Variants in CSMD3 observed in about 807,000 individuals in gnomAD.
The protein encoded by CSMD3 is CUB and Sushi multiple domains 3.
Under a neutral mutation model 435.2 loss-of-function variants are expected in CSMD3, and 177 were observed. The ratio of observed to expected loss-of-function variants is 0.41; its 90% CI spans 0.36 to 0.46. The LOEUF is 0.46. Among genes scored for constraint, CSMD3 ranks in the 20% least tolerant of loss-of-function variants. CSMD3 has a pLI of 0.34. For synonymous variants in CSMD3, 1,656 were observed against 1,520.5 expected, an observed-to-expected ratio of 1.09 and a Z score of -2.07; for missense variants, 4,265 against 4,504.6, an observed-to-expected ratio of 0.95 and a Z score of 1.52.
chr8:112,340,249 A>G (rs895097731), intron 42 of CSMD3, among the ~76,000 whole-genome samples: 1 of 152,238 alleles, frequency 6.6e-6, no homozygotes, highest in African/African-American at 2.4e-5. Flanking sequence ...TGTTTTAAAA[A>G]TAATTAATTT....
At chr8:112,739,773 G>A (rs189931766) in intron 13 of CSMD3, among the ~76,000 whole-genome samples, 14 of 151,812 alleles carry the variant, frequency 9.2e-5, no homozygotes, top group Middle Eastern at 6.8e-3. Context: ...AGATAATATC[G>A]CATGGTGTTT....
At chr8:112,680,743 C>T (rs1416401555) in intron 16 of CSMD3, among the ~76,000 whole-genome samples, 3 of 152,026 alleles carry the variant, frequency 2.0e-5, no homozygotes, top group Non-Finnish European at 2.9e-5. Context: ...CATAATTACA[C>T]GGTCTGGGAT....
At chr8:112,537,767 C>T (rs756529172) in intron 27 of CSMD3, among the ~76,000 whole-genome samples, 10 of 151,314 alleles carry the variant, frequency 6.6e-5, no homozygotes, top group Admixed American at 1.3e-4. Flanking sequence ...AACTCAGGAA[C>T]GAATGGATTC....
At chr8:113,224,710 A>G (rs1014740742) in intron 3 of CSMD3, among the ~76,000 whole-genome samples, 2 of 151,276 alleles carry the variant, frequency 1.3e-5, no homozygotes, top group African/African-American at 2.4e-5. Context: ...TTGTGTGTGT[A>G]TTAACCACCT....
At chr8:112,888,681 A>G (rs78029784) in intron 10 of CSMD3, among the ~76,000 whole-genome samples, 43 of 151,810 alleles carry the variant, frequency 2.8e-4, no homozygotes, top group African/African-American at 1.0e-3. Flanking sequence ...TTGTTCGTTC[A>G]TATCGCTTTG....
At chr8:112,501,275 C>T (rs1458184155) in intron 30 of CSMD3, among the ~76,000 whole-genome samples, 1 of 151,494 alleles carries the variant, frequency 6.6e-6, no homozygotes, top group African/African-American at 2.4e-5. Context: ...ATAGTTAAAA[C>T]TCGGGACCAT....
At chr8:112,612,466 T>A (rs1833331883) in intron 22 of CSMD3, among the ~76,000 whole-genome samples, 1 of 152,078 alleles carries the variant, frequency 6.6e-6, no homozygotes, top group African/African-American at 2.4e-5. Flanking sequence ...GGGAAGAGAT[T>A]GCAGTATAGG....
intron 1 of CSMD3, among the ~76,000 whole-genome samples, chr8:113,388,119 T>G (rs778644907): frequency 2.6e-5 from 4 of 151,720 alleles, no homozygotes; most frequent in Non-Finnish European, 5.9e-5. Context: ...TGATTATCTT[T>G]ATATGCTATG....
At chr8:112,820,472 G>C (rs73702228) in intron 12 of CSMD3, among the ~76,000 whole-genome samples, 1 of 151,510 alleles carries the variant, frequency 6.6e-6, no homozygotes, top group Non-Finnish European at 1.5e-5. Context: ...TTACAAAAAC[G>C]GCTAAATCTG....
At chr8:112,683,806 G>A (rs2075954921) in intron 15 of CSMD3, among the ~76,000 whole-genome samples, 1 of 151,722 alleles carries the variant, frequency 6.6e-6, no homozygotes, top group Admixed American at 6.6e-5. Flanking sequence ...GTTATAAATT[G>A]TATAATTTTA....
intron 3 of CSMD3, among the ~76,000 whole-genome samples, chr8:113,236,634 C>T (rs140538992): frequency 6.6e-6 from 1 of 152,158 alleles, no homozygotes; most frequent in East Asian, 1.9e-4. Flanking sequence ...TCTCCAGGTT[C>T]TCAGGCCTCT....
Position 112,452,574 on chromosome 8 carries a change from A to G in CSMD3, c.5395+20017T>C, listed in dbSNP as rs1010367782. 2.0e-5 allele frequency among the ~76,000 whole-genome samples: 3 copies of G among 152,222 alleles called. No homozygotes were observed. In the East Asian group the frequency reaches 5.8e-4, roughly 29 times the overall value. On this transcript the variant is annotated intron_variant, in intron 32 of 70. Transcript: ENST00000297405. ...GATGTAACTTCCTTTTCAAAGATGT[A>G]GAAGTACCTACCTACTGGTGAATAG...
At chr8:112,325,157 T>C (rs1823374566) in intron 45 of CSMD3, among the ~76,000 whole-genome samples, 1 of 152,154 alleles carries the variant, frequency 6.6e-6, no homozygotes, top group Admixed American at 6.6e-5. Flanking sequence ...CCACATCTCT[T>C]CATTTTTAAT....
At chr8:112,233,677 G>T (rs1813299537) in intron 68 of CSMD3, among the ~76,000 whole-genome samples, 1 of 151,874 alleles carries the variant, frequency 6.6e-6, no homozygotes, top group Non-Finnish European at 1.5e-5. Context: ...TTTTCCTTAT[G>T]AAAAAAAGGC....
At chr8:112,731,081 T>C (rs1013944951) in intron 13 of CSMD3, among the ~76,000 whole-genome samples, 1 of 152,150 alleles carries the variant, frequency 6.6e-6, no homozygotes, top group Non-Finnish European at 1.5e-5. Flanking sequence ...TTTGAATTAA[T>C]CTAGTTGGAG....
At chr8:112,539,303 T>C (rs1226025112) in intron 27 of CSMD3, 1 of 152,320 alleles carries the variant, frequency 6.6e-6, no homozygotes, top group Non-Finnish European at 1.5e-5. Context: ...GCCAGAATAG[T>C]CTGGTGAAAA....
chr8:113,227,679 T>C (rs1373450104), intron 3 of CSMD3, among the ~76,000 whole-genome samples: 1 of 151,632 alleles, frequency 6.6e-6, no homozygotes, highest in African/African-American at 2.4e-5. Flanking sequence ...TTGTGCTCTC[T>C]CCTGCCACCT....
intron 3 of CSMD3, among the ~76,000 whole-genome samples, chr8:113,247,198 C>T (rs941763434): frequency 2.0e-5 from 3 of 152,166 alleles, no homozygotes; most frequent in Non-Finnish European, 4.4e-5. Flanking sequence ...CTATGTTAAA[C>T]AACTAACACT....
At chr8:112,806,418 A>G (rs1393981109) in intron 12 of CSMD3, among the ~76,000 whole-genome samples, 3 of 152,164 alleles carry the variant, frequency 2.0e-5, no homozygotes, top group Admixed American at 6.6e-5. Flanking sequence ...GAAGTAGCAT[A>G]TAAACTTTTT....
Sources: gnomAD v4.1 joint callset for allele counts (sites outside exome capture counted in the v4.1 genomes callset) on GRCh38, gnomAD v4.1.1 for gene constraint, MANE v1.5 for transcripts, NCBI Gene and HGNC (gene_info 2026-07-23, HGNC 2026-07-21) for gene names.